Variants in NEK9 observed in about 807,000 individuals in gnomAD.
NEK9 encodes the protein NIMA related kinase 9.
In NEK9, 75 loss-of-function variants were observed where a neutral mutation model predicts 123.4. That is an observed-to-expected ratio of 0.61 (90% CI 0.50 to 0.74). The LOEUF (loss-of-function observed/expected upper bound fraction) is 0.74. Among genes scored for constraint, NEK9 ranks in the 30% least tolerant of loss-of-function variants. The pLI, the probability that NEK9 is intolerant of heterozygous loss-of-function variation, is 0.00. For synonymous variants in NEK9, 438 were observed against 458.7 expected (o/e 0.95, Z 0.58); for missense variants, 952 against 1,214.4 (o/e 0.78, Z 3.21).
At position 75,120,524 on chromosome 14, in the gene NEK9, A is replaced by G. The variant is rs757808698; in HGVS notation, c.510T>C (p.Ala170=). Residue 170 remains alanine, a synonymous_variant, in exon 4 of 22, where the codon GCT becomes GCC. Transcript: ENST00000238616. ...IVSAVSCIHK[A]GILHRDIKTL... Reference sequence around the variant, plus strand: ...TTACTTCTTACCTATGAAGGATTCCAGCTTTATGGATGCAGCTCACTGCTG... The same window carrying G: ...TTACTTCTTACCTATGAAGGATTCCGGCTTTATGGATGCAGCTCACTGCTG... The G allele has an allele frequency of 6.2e-7, 1 of 1,612,290 alleles. No individual in the cohort carries two copies. Among genetic ancestry groups the G allele is most frequent in the Non-Finnish European group, 8.5e-7 (1 of 1,178,686 alleles).
intron 21 of NEK9, chr14:75,086,299 G>A (rs1314606249): frequency 6.6e-6 from 1 of 151,586 alleles, no homozygotes; most frequent in Non-Finnish European, 1.5e-5. Flanking sequence ...CATATAATGT[G>A]GGATTCTTGA....
intron 19 of NEK9, among the ~76,000 whole-genome samples, chr14:75,090,733 G>A (rs752695763): frequency 2.6e-5 from 4 of 151,656 alleles, no homozygotes; most frequent in Admixed American, 1.3e-4. Context: ...TACTACACCC[G>A]GCTAATTTTT....
In NEK9 at chr14:75,115,082, C is replaced by T. The variant is rs573479567; in HGVS notation, c.763-769G>A. On this transcript the variant is annotated intron_variant, in intron 6 of 21. Transcript: ENST00000238616. The stretch of plus-strand genomic sequence containing the variant: ...ACACACGTGTGTGCACATATATACA[C>T]GTGTGTGTACATATATGCACACGTG... 1.9e-3 allele frequency among the ~76,000 whole-genome samples: 241 copies of T among 124,336 alleles called. 1 individual carries two copies. The highest frequency in any genetic ancestry group is 0.014 in the Middle Eastern group (3 of 218). The allele number at this position is 124,336 out of a possible 152,430, so 81.6% of individuals were successfully genotyped here.
At chr14:75,096,325 GTGC>G (rs1446755831) in intron 17 of NEK9, among the ~76,000 whole-genome samples, 1 of 147,232 alleles carries the variant, frequency 6.8e-6, no homozygotes, top group Non-Finnish European at 1.5e-5. Flanking sequence ...TCTAATGTAT[GTGC>G]TGCTAAGGTT....
chr14:75,087,792 C>G (rs2139714112), intron 20 of NEK9, among the ~76,000 whole-genome samples: 1 of 152,270 alleles, frequency 6.6e-6, no homozygotes, highest in South Asian at 2.1e-4. Flanking sequence ...TTCTACTGTA[C>G]TTTTTTTATA....
chr14:75,118,963 G>A, intron 4 of NEK9, 28 bp from the exon 5 acceptor site: 1 of 1,176,690 alleles, frequency 8.5e-7, no homozygotes. Flanking sequence ...TGCAAATTAA[G>A]TTCACACAGA....
intron 12 of NEK9, 106 bp downstream of exon 12, chr14:75,106,396 A>G (rs978796156): frequency 1.2e-6 from 1 of 838,592 alleles, no homozygotes; most frequent in African/African-American, 1.7e-5. Context: ...GATTTACTGA[A>G]TTAACACTTC....
chr14:75,115,058 C>CACACGTGTGTGCACATATAT (rs1225544616), intron 6 of NEK9, among the ~76,000 whole-genome samples: 1 of 117,594 alleles, frequency 8.5e-6, no homozygotes, highest in South Asian at 2.7e-4. Context: ...TACATGTACA[C>CACACGTGTGTGCACATATAT]ACACGTGTGT....
chr14:75,118,816 A>G lies in NEK9; in HGVS notation c.630+14T>C. ...AGAAAATAAAATAAAAATTAAGACA[A>G]GGGCAACACATACCGTCTCAGCCAT... On this transcript the variant is annotated intron_variant, in intron 5 of 21. Transcript: ENST00000238616. 1 of 1,392,088 alleles carries G rather than the reference A, an allele frequency of 7.2e-7. No homozygotes were observed. The highest frequency in any genetic ancestry group is 1.2e-5 in the South Asian group (1 of 84,104). The allele number at this position is 1,392,088 out of a possible 1,614,324, so 86.2% of individuals were successfully genotyped here. A position where few individuals can be genotyped will look rare whatever the true frequency, so the allele number is the denominator to read the frequency against.
chr14:75,121,316 T>G lies in NEK9; in HGVS notation c.398-142A>C, dbSNP rs1023949280. 8 of 598,912 alleles carry G rather than the reference T, an allele frequency of 1.3e-5. No homozygotes were observed. In the East Asian group the frequency reaches 1.4e-4, roughly 11 times the overall value. 37.1% of individuals were successfully genotyped at this position (598,912 alleles called of 1,614,324 possible). A position where few individuals can be genotyped will look rare whatever the true frequency, so the allele number is the denominator to read the frequency against. ...CAACTACTTCTTTTGACTTTTCACATGGGCACAAAACTCTTCCCATCTCTC... is the reference window on the plus strand; with the variant it reads ...CAACTACTTCTTTTGACTTTTCACAGGGGCACAAAACTCTTCCCATCTCTC... On this transcript the variant is annotated intron_variant, in intron 2 of 21. Transcript: ENST00000238616.
intron 16 of NEK9, among the ~76,000 whole-genome samples, chr14:75,100,467 A>C (rs927351820): frequency 6.6e-6 from 1 of 152,166 alleles, no homozygotes; most frequent in Non-Finnish European, 1.5e-5. Context: ...ACAAACAAAC[A>C]AAAAAATCGT....
At chr14:75,108,125 CTTTT>C (rs528274966) in intron 10 of NEK9, among the ~76,000 whole-genome samples, 1 of 141,986 alleles carries the variant, frequency 7.0e-6, no homozygotes, top group Non-Finnish European at 1.6e-5. Context: ...GACTTTTCAA[CTTTT>C]TTTTTTTTTT....
intron 3 of NEK9, 175 bp downstream of exon 3, chr14:75,120,944 C>G (rs1477171924): frequency 1.5e-6 from 1 of 685,566 alleles, no homozygotes; most frequent in African/African-American, 1.8e-5. Context: ...GTTTAGGAAG[C>G]AGCTATAGAC....
intron 1 of NEK9, among the ~76,000 whole-genome samples, chr14:75,125,719 T>C (rs1344020963): frequency 6.6e-6 from 1 of 152,206 alleles, no homozygotes; most frequent in Admixed American, 6.5e-5. Context: ...CACTTAAAAA[T>C]ATTCTCTTGC....
At chr14:75,120,102 T>C (rs1895275837) in intron 4 of NEK9, among the ~76,000 whole-genome samples, 1 of 152,238 alleles carries the variant, frequency 6.6e-6, no homozygotes, top group Non-Finnish European at 1.5e-5. Flanking sequence ...GGTAAATTTG[T>C]ACAAGTAAAT....
chr14:75,107,309 A>G (rs958593953), intron 11 of NEK9, 34 bp downstream of exon 11: 15 of 1,600,786 alleles, frequency 9.4e-6, no homozygotes, highest in Non-Finnish European at 1.2e-5. Context: ...CCCCACATTA[A>G]ATGCACTTAA....
intron 16 of NEK9, 72 bp downstream of exon 16, chr14:75,100,920 A>G: frequency 6.7e-7 from 1 of 1,492,514 alleles, no homozygotes; most frequent in East Asian, 2.3e-5. Flanking sequence ...TAACTAGTCC[A>G]TTTCTTTCCC....
chr14:75,122,952 C>G (rs1254736397), intron 2 of NEK9, among the ~76,000 whole-genome samples: 2 of 151,946 alleles, frequency 1.3e-5, no homozygotes, highest in Non-Finnish European at 2.9e-5. Context: ...GTGCACACCA[C>G]CCAGCTAATT....
At chr14:75,102,333 TG>T (rs1457179416) in intron 14 of NEK9, among the ~76,000 whole-genome samples, 6 of 152,238 alleles carry the variant, frequency 3.9e-5, no homozygotes, top group South Asian at 4.2e-4. Flanking sequence ...TTCTGAATAT[TG>T]TTTTTTTTGT....
Sources: allele counts gnomAD v4.1 joint callset (sites outside exome capture counted in the v4.1 genomes callset), GRCh38; gene constraint gnomAD v4.1.1; transcripts MANE v1.5; gene names NCBI Gene and HGNC (gene_info 2026-07-23, HGNC 2026-07-21).